GRIN3A: variants seen among roughly 807,000 people sequenced by gnomAD.
GRIN3A encodes glutamate ionotropic receptor NMDA type subunit 3A, also known as glutamate receptor ionotropic, NMDA 3A.
GRIN3A carries 47 observed loss-of-function variants against 92.4 expected under a neutral mutation model. That is an observed-to-expected ratio of 0.51 (90% confidence interval 0.40 to 0.65). The LOEUF (loss-of-function observed/expected upper bound fraction) is 0.65. Among genes scored for constraint, GRIN3A ranks in the 30% least tolerant of loss-of-function variants. GRIN3A has a pLI of 0.00. For synonymous variants in GRIN3A, 527 were observed against 540.6 expected (o/e 0.97, Z 0.35); for missense variants, 1,324 against 1,393.1 (o/e 0.95, Z 0.79).
At chr9:101,627,345 A>C (rs754112749) in intron 4 of GRIN3A, among the ~76,000 whole-genome samples, 1 of 152,222 alleles carries the variant, frequency 6.6e-6, no homozygotes, top group Non-Finnish European at 1.5e-5. Flanking sequence ...GCATGTTTCT[A>C]AAGTTGTTGA....
chr9:101,686,078 G>C (rs1829529921), intron 2 of GRIN3A, among the ~76,000 whole-genome samples: 1 of 152,030 alleles, frequency 6.6e-6, no homozygotes, highest in Non-Finnish European at 1.5e-5. Context: ...GGAGGAGGGA[G>C]AAAAGTCCAT....
At chr9:101,711,954 G>T (rs1033783728) in intron 1 of GRIN3A, among the ~76,000 whole-genome samples, 1 of 152,244 alleles carries the variant, frequency 6.6e-6, no homozygotes, top group South Asian at 2.1e-4. Context: ...GAGCTCTTTA[G>T]GGTCCCTCCT....
At chr9:101,652,962 A>G (rs985681016) in intron 3 of GRIN3A, among the ~76,000 whole-genome samples, 2 of 151,912 alleles carry the variant, frequency 1.3e-5, no homozygotes, top group African/African-American at 2.4e-5. Flanking sequence ...AAAGAGGAAG[A>G]ATTTTCGTTT....
intron 3 of GRIN3A, among the ~76,000 whole-genome samples, chr9:101,644,416 G>GATC (rs1224723792): frequency 2.3e-4 from 32 of 140,698 alleles, no homozygotes; most frequent in African/African-American, 8.1e-4. Flanking sequence ...GAAAAGGTGG[G>GATC]ATCAGAACTT....
chr9:101,632,052 G>A (rs1047253725), intron 3 of GRIN3A, among the ~76,000 whole-genome samples: 3 of 152,074 alleles, frequency 2.0e-5, no homozygotes, highest in Non-Finnish European at 4.4e-5. Context: ...CCTTTTCCTA[G>A]CCTTGTCGTC....
chr9:101,661,450 C>T (rs142015305), intron 3 of GRIN3A, among the ~76,000 whole-genome samples: 14 of 151,866 alleles, frequency 9.2e-5, no homozygotes, highest in African/African-American at 3.4e-4. Flanking sequence ...ATAGCATGTA[C>T]ATATGCATAT....
chr9:101,603,729 C>T (rs1329944280), intron 6 of GRIN3A, among the ~76,000 whole-genome samples: 11 of 152,198 alleles, frequency 7.2e-5, no homozygotes, highest in Admixed American at 7.2e-4. Context: ...TTTAGAATCC[C>T]TCGGGAAGGG....
At chr9:101,634,837 G>A (rs1828763795) in intron 3 of GRIN3A, among the ~76,000 whole-genome samples, 1 of 152,112 alleles carries the variant, frequency 6.6e-6, no homozygotes, top group Admixed American at 6.5e-5. Context: ...CTAAAAGGGG[G>A]ACACTATTGA....
rs77440773 is a variant in GRIN3A, at chr9:101,731,988, T to C, written c.699+5293A>G. Among the ~76,000 whole-genome samples, 52 of 152,330 alleles carry C rather than the reference T, an allele frequency of 3.4e-4. 1 individual carries two copies. The East Asian group carries it at 8.3e-3, about 24-fold the overall frequency. The stretch of plus-strand genomic sequence containing the variant: ...CTAGTTTTATGGATTTGGCATCATA[T>C]TTCTGGTGCTACATAGGTCCTCTAT... On this transcript the variant is annotated intron_variant, in intron 1 of 8. Transcript: ENST00000361820.
At chr9:101,598,789 C>G (rs977409079) in intron 6 of GRIN3A, among the ~76,000 whole-genome samples, 2 of 152,164 alleles carry the variant, frequency 1.3e-5, no homozygotes, top group African/African-American at 4.8e-5. Flanking sequence ...GCTGCTCACA[C>G]GCTATACCAG....
At chr9:101,601,631 T>G (rs1217681245) in intron 6 of GRIN3A, among the ~76,000 whole-genome samples, 1 of 152,158 alleles carries the variant, frequency 6.6e-6, no homozygotes, top group African/African-American at 2.4e-5. Context: ...ATGCTCCCTT[T>G]GAAACCTGTA....
chr9:101,688,394 G>A (rs1829565291), intron 1 of GRIN3A, among the ~76,000 whole-genome samples: 1 of 152,208 alleles, frequency 6.6e-6, no homozygotes, highest in Non-Finnish European at 1.5e-5. Context: ...TGGTAGGTAG[G>A]ATGGAGTCTT....
chr9:101,683,563 A>G (rs1829490242), intron 2 of GRIN3A, among the ~76,000 whole-genome samples: 1 of 152,134 alleles, frequency 6.6e-6, no homozygotes, highest in South Asian at 2.1e-4. Flanking sequence ...GGTTTTGCTC[A>G]TTTCCCTTGA....
intron 3 of GRIN3A, among the ~76,000 whole-genome samples, chr9:101,660,771 G>T (rs1433230026): frequency 6.6e-6 from 1 of 151,492 alleles, no homozygotes; most frequent in Non-Finnish European, 1.5e-5. Context: ...CCCAACAGGG[G>T]TTTTTCTCCT....
At chr9:101,665,305 A>G (rs1483528651) in intron 3 of GRIN3A, among the ~76,000 whole-genome samples, 1 of 151,884 alleles carries the variant, frequency 6.6e-6, no homozygotes, top group African/African-American at 2.4e-5. Context: ...AGGGCGCACA[A>G]TTATAACAGA....
At position 101,628,361 on chromosome 9, in the gene GRIN3A, C is replaced by G; in HGVS notation, c.2393G>C (p.Arg798Pro). The change falls in exon 4 of 9, where the codon CGA becomes CCA. Residue 798 changes from arginine to proline, a missense_variant. By Grantham distance (103) the Arg-to-Pro change is moderately radical. Transcript: ENST00000361820. ...PSQGFRFGTVRESSAEDYVRQ... is the reference protein window; with the variant it reads ...PSQGFRFGTVPESSAEDYVRQ... ...CACATAATCTTCAGCACTGCTTTCT[C>G]GGACAGTTCCAAAGCGGAATCCTTG... 1 of 1,613,834 alleles carries G rather than the reference C, an allele frequency of 6.2e-7. No individual in the cohort carries two copies. The highest frequency in any genetic ancestry group is 8.5e-7 in the Non-Finnish European group (1 of 1,179,846).
intron 6 of GRIN3A, among the ~76,000 whole-genome samples, chr9:101,583,435 C>G (rs1827914265): frequency 6.6e-6 from 1 of 152,146 alleles, no homozygotes; most frequent in African/African-American, 2.4e-5. Context: ...CCCCTAGGAT[C>G]ACATTGTTTA....
chr9:101,660,978 C>G (rs1829164746), intron 3 of GRIN3A, among the ~76,000 whole-genome samples: 1 of 151,746 alleles, frequency 6.6e-6, no homozygotes, highest in Admixed American at 6.6e-5. Flanking sequence ...CAGTGTTAAG[C>G]AAGATAAAGT....
Position 101,590,375 on chromosome 9 carries a change from TA to T in GRIN3A, c.2767-11016del, listed in dbSNP as rs1216736067. Among the ~76,000 whole-genome samples, 1,087 of 150,572 alleles carry T rather than the reference TA, an allele frequency of 7.2e-3. 14 individuals carry two copies. The highest frequency in any genetic ancestry group is 0.025 in the African/African-American group (1,038 of 40,846). On this transcript the variant is annotated intron_variant, in intron 6 of 8. Coordinates refer to ENST00000361820, the MANE Select transcript of GRIN3A (RefSeq NM_133445.3). Reference sequence around the variant, plus strand: ...TTATTTATTTATTTATTTATTTATTTATTTATTTATTTATTTATTTTTTTGA... The same window carrying T: ...TTATTTATTTATTTATTTATTTATTTTTTATTTATTTATTTATTTTTTTGA...
Sources: gnomAD v4.1 joint callset for allele counts (sites outside exome capture counted in the v4.1 genomes callset) on GRCh38, gnomAD v4.1.1 for gene constraint, MANE v1.5 for transcripts, NCBI Gene and HGNC (gene_info 2026-07-23, HGNC 2026-07-21) for gene names.